The following C19orf18 variants were observed in gnomAD, a reference collection of about 807,000 sequenced individuals.
C19orf18 encodes chromosome 19 open reading frame 18.
In C19orf18, 21 loss-of-function variants were observed where a neutral mutation model predicts 23.3. That is an observed-to-expected ratio of 0.90 (90% CI 0.64 to 1.30). The LOEUF (loss-of-function observed/expected upper bound fraction) is 1.30, where lower values mean the gene tolerates loss of function less well. Among genes scored for constraint, C19orf18 ranks in the 50% most tolerant of loss-of-function variants. C19orf18 has a pLI of 0.00. For synonymous variants in C19orf18, 96 were observed against 95.2 expected (o/e 1.01, Z -0.05); for missense variants, 249 against 259.6 (o/e 0.96, Z 0.28).
Position 57,961,402 on chromosome 19 carries a change from A to T in C19orf18, c.521T>A (p.Phe174Tyr). The T allele has an allele frequency of 6.2e-7, 1 of 1,613,490 alleles. No homozygotes were observed. The highest frequency in any genetic ancestry group is 1.1e-5 in the South Asian group (1 of 91,000). The change falls in exon 5 of 6, where the codon TTC (phenylalanine) becomes TAC (tyrosine). Residue 174 changes from phenylalanine to tyrosine, a missense_variant. Phe to Tyr is a conservative substitution (Grantham distance 22). Coordinates refer to ENST00000314391, the MANE Select transcript of C19orf18 (RefSeq NM_152474.5). ...ACAGGTCACACTACCTGAGTGGATG[A>T]ACTTTTCCAGCTCATTTTCGTTCTC... ...LPENENELEKFIHSVIISKRS... is the reference protein window; with the variant it reads ...LPENENELEKYIHSVIISKRS...
At chr19:57,966,662 C>A (rs1387058983) in intron 3 of C19orf18, 30 bp from the exon 4 acceptor site, 2 of 1,462,172 alleles carry the variant, frequency 1.4e-6, no homozygotes, top group East Asian at 2.3e-5. Context: ...AAGAAGTGCT[C>A]AAAAATGTTC....
intron 4 of C19orf18, among the ~76,000 whole-genome samples, chr19:57,964,944 C>T (rs1448537857): frequency 1.3e-5 from 2 of 152,034 alleles, no homozygotes; most frequent in East Asian, 3.9e-4. Flanking sequence ...AAAATGATTA[C>T]ATCACTCAAA....
chr19:57,964,193 C>A (rs1404882615), intron 4 of C19orf18, among the ~76,000 whole-genome samples: 5 of 152,088 alleles, frequency 3.3e-5, no homozygotes, highest in Non-Finnish European at 7.4e-5. Flanking sequence ...CACTGAGTGT[C>A]CAGGAGATAT....
At chr19:57,973,895 AG>A (rs1019597697) in intron 2 of C19orf18, among the ~76,000 whole-genome samples, 5 of 150,710 alleles carry the variant, frequency 3.3e-5, no homozygotes, top group Admixed American at 6.6e-5. Context: ...AATGAAAAAG[AG>A]AAGAAAGTGG....
intron 3 of C19orf18, among the ~76,000 whole-genome samples, 193 bp from the exon 4 acceptor site, chr19:57,966,825 G>A (rs957286944): frequency 1.3e-5 from 2 of 151,908 alleles, no homozygotes; most frequent in Non-Finnish European, 2.9e-5. Flanking sequence ...AGGCTGGAGT[G>A]CAGTGCATGA....
intron 5 of C19orf18, 126 bp downstream of exon 5, chr19:57,961,265 A>AG (rs1568565698): frequency 4.8e-6 from 5 of 1,035,034 alleles, no homozygotes; most frequent in Non-Finnish European, 5.5e-6. Context: ...AAAGGAAGGA[A>AG]GAAAGAAAGA....
At chr19:57,963,087 C>T (rs1032180219) in intron 4 of C19orf18, among the ~76,000 whole-genome samples, 3 of 147,920 alleles carry the variant, frequency 2.0e-5, no homozygotes, top group Admixed American at 6.8e-5. Context: ...AGTGCAATGG[C>T]GCGATCTTGG....
intron 4 of C19orf18, among the ~76,000 whole-genome samples, chr19:57,961,882 T>TTC (rs1568565939): frequency 4.3e-4 from 65 of 150,236 alleles, no homozygotes; most frequent in African/African-American, 1.6e-3. Context: ...TCTCTTCTCT[T>TTC]TTTCTTTCTC....
At chr19:57,967,225 G>GT (rs1349630018) in intron 3 of C19orf18, among the ~76,000 whole-genome samples, 2 of 152,156 alleles carry the variant, frequency 1.3e-5, no homozygotes, top group Non-Finnish European at 2.9e-5. Context: ...TGAGAAGAAA[G>GT]TAACTGTAGA....
At chr19:57,966,199 G>A (rs1227518188) in intron 4 of C19orf18, among the ~76,000 whole-genome samples, 2 of 151,970 alleles carry the variant, frequency 1.3e-5, no homozygotes, top group African/African-American at 2.4e-5. Context: ...GGATGGTCTC[G>A]ATCTCCTGAC....
intron 3 of C19orf18, among the ~76,000 whole-genome samples, chr19:57,967,155 T>C (rs1049911446): frequency 6.6e-6 from 1 of 151,682 alleles, no homozygotes; most frequent in African/African-American, 2.4e-5. Context: ...ACTAGAGACC[T>C]GGGCAGAGGC....
At chr19:57,971,956 T>C (rs1041893538) in intron 3 of C19orf18, among the ~76,000 whole-genome samples, 1 of 152,108 alleles carries the variant, frequency 6.6e-6, no homozygotes, top group South Asian at 2.1e-4. Context: ...TGGCTACATG[T>C]GAAAGCAGTG....
At chr19:57,967,842 TAATAAA>T (rs2072918783) in intron 3 of C19orf18, among the ~76,000 whole-genome samples, 1 of 135,494 alleles carries the variant, frequency 7.4e-6, no homozygotes. Context: ...ACCCCATCTC[TAATAAA>T]AATACAAAAT....
chr19:57,973,358 G>C (rs940363363), intron 2 of C19orf18, among the ~76,000 whole-genome samples: 1 of 151,818 alleles, frequency 6.6e-6, no homozygotes, highest in Non-Finnish European at 1.5e-5. Flanking sequence ...GATTGTCGGG[G>C]TTGGTTTTGC....
intron 3 of C19orf18, 85 bp from the exon 4 acceptor site, chr19:57,966,717 G>A: frequency 2.3e-6 from 2 of 869,674 alleles, no homozygotes; most frequent in Non-Finnish European, 3.6e-6. Context: ...CTTACAGAGG[G>A]GAATGGAAGT....
intron 4 of C19orf18, among the ~76,000 whole-genome samples, chr19:57,965,117 TTTTATTTA>T (rs59561103): frequency 6.8e-5 from 10 of 146,038 alleles, no homozygotes; most frequent in East Asian, 2.0e-4. Context: ...GTTCTTTTTA[TTTTATTTA>T]TTTATTTATT....
chr19:57,960,336 G>C (rs1242196296), intron 5 of C19orf18, among the ~76,000 whole-genome samples: 1 of 148,084 alleles, frequency 6.8e-6, no homozygotes, highest in Non-Finnish European at 1.5e-5. Flanking sequence ...TGAGGCAGGA[G>C]AATGGCGTGA....
chr19:57,967,304 G>A (rs1275814130), intron 3 of C19orf18, among the ~76,000 whole-genome samples: 1 of 152,184 alleles, frequency 6.6e-6, no homozygotes, highest in Non-Finnish European at 1.5e-5. Context: ...CACAGCTCCT[G>A]GAGGAGTCTA....
rs1277982772 is a variant in C19orf18, at chr19:57,966,618, T to C, written c.283A>G (p.Arg95Gly). The C allele has an allele frequency of 6.2e-7, 1 of 1,609,568 alleles. No individual in the cohort carries two copies. Among genetic ancestry groups the C allele is most frequent in the South Asian group, 1.1e-5 (1 of 90,874 alleles). ...AAAATTACTTTAACAAGAGCAGGTC[T>C]ATGCCGAATTATTGCTAAAAAGAAA... The part of the protein sequence containing the change: ...FLRNKAIIRH[R>G]PALVKVILIS... Residue 95 changes from arginine to glycine, a missense_variant, in exon 4 of 6, where the codon AGA (arginine) becomes GGA (glycine). Arg to Gly is a moderately radical substitution (Grantham distance 125, BLOSUM62 -2). Transcript: ENST00000314391.
Sources: gnomAD v4.1 joint callset for allele counts (sites outside exome capture counted in the v4.1 genomes callset) on GRCh38, gnomAD v4.1.1 for gene constraint, MANE v1.5 for transcripts, NCBI Gene and HGNC (gene_info 2026-07-23, HGNC 2026-07-21) for gene names.